The following SSBP2 variants were observed in gnomAD, a reference collection of about 807,000 sequenced individuals.
SSBP2 encodes the protein single-stranded DNA-binding protein 2.
Under a neutral mutation model 61.8 loss-of-function variants are expected in SSBP2, and 17 were observed. That is an observed-to-expected ratio of 0.28 (90% confidence interval 0.19 to 0.41). The LOEUF (loss-of-function observed/expected upper bound fraction) is 0.41. Among genes scored for constraint, SSBP2 ranks in the 10% least tolerant of loss-of-function variants. The pLI is 1.00. For synonymous variants in SSBP2, 139 were observed against 141.3 expected, an observed-to-expected ratio of 0.98 and a Z score of 0.12; for missense variants, 310 against 458.7, an observed-to-expected ratio of 0.68 and a Z score of 2.96.
intron 2 of SSBP2, among the ~76,000 whole-genome samples, chr5:81,646,533 C>G (rs59092085): frequency 6.6e-6 from 1 of 151,344 alleles, no homozygotes; most frequent in Admixed American, 6.6e-5. Context: ...CTCAAATTTT[C>G]TGCCTGATCG....
At chr5:81,683,845 T>C (rs917424988) in intron 1 of SSBP2, among the ~76,000 whole-genome samples, 7 of 152,116 alleles carry the variant, frequency 4.6e-5, no homozygotes, top group Admixed American at 6.6e-5. Flanking sequence ...CAAGTAAGCA[T>C]ACAAAAAGAT....
chr5:81,686,862 AAAAAAAAAAAGAAAAG>A (rs1561691984), intron 1 of SSBP2, among the ~76,000 whole-genome samples: 7 of 112,750 alleles, frequency 6.2e-5, no homozygotes, highest in East Asian at 2.2e-4. Context: ...CTCAAAAAAA[AAAAAAAAAAAGAAAAG>A]AAAAGAAAAG....
intron 5 of SSBP2, among the ~76,000 whole-genome samples, chr5:81,509,807 T>C (rs1768458392): frequency 6.6e-6 from 1 of 152,328 alleles, no homozygotes; most frequent in Admixed American, 6.5e-5. Context: ...ACTAAACTTA[T>C]CCAGAGACCC....
rs986540202 is a variant in SSBP2 at position 81,597,950 on chromosome 5, A to G, written c.282+17523T>C. Among the ~76,000 whole-genome samples the G allele has an allele frequency of 9.9e-5, 15 of 152,074 alleles. No homozygotes were observed. In the East Asian group the frequency reaches 2.9e-3, roughly 29 times the overall value. ...TGCAGCACACCAATATGGCACATGT[A>G]TACATATGTAACAAACCTGCACGTT... On this transcript the variant is annotated intron_variant, in intron 4 of 16. Coordinates refer to ENST00000320672, the MANE Select transcript of SSBP2 (RefSeq NM_012446.5).
At chr5:81,612,792 CAT>C (rs1181567608) in intron 4 of SSBP2, among the ~76,000 whole-genome samples, 1 of 151,906 alleles carries the variant, frequency 6.6e-6, no homozygotes, top group Non-Finnish European at 1.5e-5. Flanking sequence ...AGTAGGTAAA[CAT>C]ATTAATTACC....
chr5:81,704,853 T>C (rs1754256242), intron 1 of SSBP2, among the ~76,000 whole-genome samples: 1 of 128,044 alleles, frequency 7.8e-6, no homozygotes, highest in South Asian at 2.6e-4. Context: ...GTTATTGAAA[T>C]ACTAGGCTAA....
intron 15 of SSBP2, among the ~76,000 whole-genome samples, chr5:81,436,866 T>G (rs1385792557): frequency 6.6e-6 from 1 of 152,106 alleles, no homozygotes; most frequent in Non-Finnish European, 1.5e-5. Context: ...AGAGGGAAAA[T>G]GCAAACACAT....
chr5:81,506,980 C>T (rs556564332), intron 5 of SSBP2, among the ~76,000 whole-genome samples: 2 of 151,954 alleles, frequency 1.3e-5, no homozygotes, highest in African/African-American at 4.8e-5. Context: ...TTATATGGAG[C>T]CTTCCTTAGT....
intron 1 of SSBP2, among the ~76,000 whole-genome samples, chr5:81,672,128 G>A (rs1241812322): frequency 6.6e-6 from 1 of 151,996 alleles, no homozygotes; most frequent in Admixed American, 6.6e-5. Context: ...TATATTTATA[G>A]TGTTTTATAG....
chr5:81,691,070 C>T (rs749676485), intron 1 of SSBP2, among the ~76,000 whole-genome samples: 1 of 151,806 alleles, frequency 6.6e-6, no homozygotes, highest in Non-Finnish European at 1.5e-5. Flanking sequence ...ACAGCGAAAG[C>T]CATTCTAAGA....
At chr5:81,494,968 T>C (rs1212947271) in intron 5 of SSBP2, among the ~76,000 whole-genome samples, 1 of 152,196 alleles carries the variant, frequency 6.6e-6, no homozygotes, top group East Asian at 1.9e-4. Context: ...TTTTCTATTA[T>C]ATCAAGAATT....
chr5:81,465,437 CAGTTATTTT>C (rs1170940684), intron 9 of SSBP2, among the ~76,000 whole-genome samples: 2 of 151,904 alleles, frequency 1.3e-5, no homozygotes, highest in Admixed American at 6.6e-5. Flanking sequence ...CAATTGGAAG[CAGTTATTTT>C]AATCTCTCAA....
intron 1 of SSBP2, among the ~76,000 whole-genome samples, chr5:81,695,240 A>G (rs1030562153): frequency 7.0e-4 from 107 of 152,364 alleles, no homozygotes; most frequent in African/African-American, 2.4e-3. Context: ...TTTGTACTTC[A>G]TGTTGTATTC....
chr5:81,716,505 T>C (rs1755181381), intron 1 of SSBP2, among the ~76,000 whole-genome samples: 1 of 152,230 alleles, frequency 6.6e-6, no homozygotes, highest in Non-Finnish European at 1.5e-5. Flanking sequence ...TATTAATATA[T>C]TGCAGCACTG....
chr5:81,428,554 T>C (rs1762093416), intron 16 of SSBP2, 31 bp downstream of exon 16: 1 of 1,540,532 alleles, frequency 6.5e-7, no homozygotes, highest in Non-Finnish European at 9.0e-7. Context: ...GAAATAAAAT[T>C]TGAGTATAAT....
chr5:81,708,262 T>C (rs1010813276), intron 1 of SSBP2, among the ~76,000 whole-genome samples: 3 of 152,134 alleles, frequency 2.0e-5, no homozygotes, highest in African/African-American at 7.2e-5. Context: ...ATTGATTAAA[T>C]AGAGTCACAT....
intron 1 of SSBP2, among the ~76,000 whole-genome samples, chr5:81,734,687 G>C (rs1756477272): frequency 6.6e-6 from 1 of 152,112 alleles, no homozygotes; most frequent in Non-Finnish European, 1.5e-5. Flanking sequence ...GAAAAATCAA[G>C]TTGGCCGGGC....
chr5:81,577,024 TTAAA>T (rs763775571), intron 4 of SSBP2, among the ~76,000 whole-genome samples: 3 of 152,092 alleles, frequency 2.0e-5, no homozygotes, highest in Non-Finnish European at 2.9e-5. Flanking sequence ...AACTTATTAA[TTAAA>T]TGTTTCGTGC....
At chr5:81,725,587 A>T (rs538884569) in intron 1 of SSBP2, among the ~76,000 whole-genome samples, 1 of 152,350 alleles carries the variant, frequency 6.6e-6, no homozygotes, top group Non-Finnish European at 1.5e-5. Flanking sequence ...CTGTGGTAGC[A>T]GAATATTACA....
Sources: gnomAD v4.1 joint callset for allele counts (sites outside exome capture counted in the v4.1 genomes callset) on GRCh38, gnomAD v4.1.1 for gene constraint, MANE v1.5 for transcripts, NCBI Gene and HGNC (gene_info 2026-07-23, HGNC 2026-07-21) for gene names.